The following SIPA1L2 variants were observed in gnomAD, a reference collection of about 807,000 sequenced individuals.
The protein encoded by SIPA1L2 is signal induced proliferation associated 1 like 2, also known as signal-induced proliferation-associated 1-like protein 2.
Under a neutral mutation model 163.9 loss-of-function variants are expected in SIPA1L2, and 56 were observed. The ratio of observed to expected loss-of-function variants is 0.34; its 90% confidence interval spans 0.28 to 0.43. SIPA1L2 has a LOEUF of 0.43. Ranked by LOEUF, SIPA1L2 falls within the 20% of genes least tolerant of loss-of-function variation. The probability of loss-of-function intolerance (pLI) is 1.00; values close to 1 mark genes in which losing one functional copy is unlikely to be tolerated. For synonymous variants in SIPA1L2, 877 were observed against 865.7 expected, an observed-to-expected ratio of 1.01 and a Z score of -0.23; for missense variants, 1,974 against 2,193.5, an observed-to-expected ratio of 0.90 and a Z score of 2.00.
intron 8 of SIPA1L2, among the ~76,000 whole-genome samples, chr1:232,466,722 C>T (rs144982394): frequency 1.6e-3 from 241 of 152,068 alleles, no homozygotes; most frequent in African/African-American, 5.5e-3. Context: ...ACCTCGGAGG[C>T]GGAGCTTGCA....
chr1:232,415,333 C>T (rs990042210), intron 19 of SIPA1L2, among the ~76,000 whole-genome samples, 161 bp downstream of exon 19: 1 of 152,128 alleles, frequency 6.6e-6, no homozygotes, highest in Non-Finnish European at 1.5e-5. Context: ...TCCTCACAGC[C>T]CAAGCCAGCC....
chr1:232,462,344 A>C, intron 9 of SIPA1L2: 1 of 1,536,174 alleles, frequency 6.5e-7, no homozygotes, highest in South Asian at 1.2e-5. Context: ...GTTTCAGTTT[A>C]ATGAACACTC....
chr1:232,461,293 G>T, intron 9 of SIPA1L2, 132 bp from the exon 10 acceptor site: 3 of 1,130,336 alleles, frequency 2.7e-6, no homozygotes, highest in Non-Finnish European at 3.8e-6. Flanking sequence ...GTCTCTCTCT[G>T]CCTTTTCCTC....
chr1:232,541,935 A>ATCTCTCTCTC (rs59407464), intron 2 of SIPA1L2, among the ~76,000 whole-genome samples: 28,992 of 148,088 alleles, frequency 0.2, 3,020 homozygotes, highest in East Asian at 0.31. Context: ...TGAGCCTTAA[A>ATCTCTCTCTC]TCTCTCTCTC....
intron 2 of SIPA1L2, among the ~76,000 whole-genome samples, chr1:232,558,573 G>A (rs1332052111): frequency 2.6e-5 from 4 of 152,112 alleles, no homozygotes; most frequent in South Asian, 2.1e-4. Context: ...CACATACTCC[G>A]CTACTGAGTT....
intron 1 of SIPA1L2, among the ~76,000 whole-genome samples, chr1:232,596,741 A>G (rs147488543): frequency 1.4e-4 from 21 of 152,356 alleles, no homozygotes; most frequent in Non-Finnish European, 2.2e-4. Context: ...ACTACAGGGA[A>G]GAAGAGTTTT....
At chr1:232,524,157 G>A (rs1361915142) in intron 2 of SIPA1L2, among the ~76,000 whole-genome samples, 1 of 152,214 alleles carries the variant, frequency 6.6e-6, no homozygotes, top group Admixed American at 6.5e-5. Flanking sequence ...AACGTATTCA[G>A]TTCTACCAGG....
In SIPA1L2 at chr1:232,428,500, C is replaced by T. The variant is rs752844011; in HGVS notation, c.4321G>A (p.Val1441Ile). The T allele has an allele frequency of 3.7e-6, 6 of 1,601,120 alleles. No homozygotes were observed. The African/African-American group carries it at 6.7e-5, about 18-fold the overall frequency. The change falls in exon 17 of 23, where the codon GTT becomes ATT. Residue 1441 changes from valine (V) to isoleucine (I), a missense_variant. Around this residue, in one of 3 missense-constraint regions of SIPA1L2, gnomAD observed 1,079 missense variants for 1,150.7 expected, o/e 0.94. Transcript: ENST00000674635. ...TQHQTVVGDAVAETQHVLSKE... is the reference protein window; with the variant it reads ...TQHQTVVGDAIAETQHVLSKE... Reference sequence around the variant, plus strand: ...GACAGAACATGTTGAGTCTCTGCAACAGCATCTCCCACCACTGTCTGATGC... The same window carrying T: ...GACAGAACATGTTGAGTCTCTGCAATAGCATCTCCCACCACTGTCTGATGC...
rs1239620075 is a variant in SIPA1L2 at position 232,513,897 on chromosome 1, G to T, written c.1443C>A (p.Asp481Glu). ...ATTTGCGGTAATAATAGGCCCCAAG[G>T]TCAATGTGTTCTATGATGTAGCGCT... ...KVKRYIIEHIDLGAYYYRKFF... is the reference protein window; with the variant it reads ...KVKRYIIEHIELGAYYYRKFF... Residue 481 changes from aspartate (D) to glutamate (E), a missense_variant, in exon 3 of 23, where the codon GAC becomes GAA. Coordinates refer to ENST00000674635, the MANE Select transcript of SIPA1L2 (RefSeq NM_020808.5). 1 of 1,605,142 alleles carries T rather than the reference G, an allele frequency of 6.2e-7. No individual in the cohort carries two copies. Among genetic ancestry groups the T allele is most frequent in the Admixed American group, 1.7e-5 (1 of 58,016 alleles).
intron 14 of SIPA1L2, among the ~76,000 whole-genome samples, chr1:232,440,881 T>A (rs1479165620): frequency 6.6e-6 from 1 of 152,204 alleles, no homozygotes; most frequent in Non-Finnish European, 1.5e-5. Flanking sequence ...AATGGGCAGC[T>A]GCGGCCGTGA....
intron 19 of SIPA1L2, among the ~76,000 whole-genome samples, chr1:232,410,613 T>G (rs1660894767): frequency 6.6e-6 from 1 of 152,094 alleles, no homozygotes; most frequent in Admixed American, 6.6e-5. Context: ...AACTGTAAAC[T>G]TATTATTTTC....
chr1:232,582,176 AT>A (rs150817092), intron 1 of SIPA1L2, among the ~76,000 whole-genome samples: 7,519 of 151,544 alleles, frequency 0.05, 829 homozygotes, highest in East Asian at 0.48. Flanking sequence ...TTTTTCCATA[AT>A]TTTTTTTTCA....
At chr1:232,455,126 G>A (rs1291716652) in intron 10 of SIPA1L2, among the ~76,000 whole-genome samples, 1 of 152,212 alleles carries the variant, frequency 6.6e-6, no homozygotes, top group Admixed American at 6.5e-5. Flanking sequence ...TTATATTGGA[G>A]AAACTGGCCA....
intron 2 of SIPA1L2, among the ~76,000 whole-genome samples, chr1:232,572,694 CAT>C (rs61685621): frequency 0.13 from 12,887 of 100,650 alleles, 828 homozygotes; most frequent in Middle Eastern, 0.2. Flanking sequence ...CATATACATA[CAT>C]ATATATATAT....
At position 232,428,577 on chromosome 1, in the gene SIPA1L2, A is replaced by G. The variant is rs572814979; in HGVS notation, c.4257-13T>C. On this transcript the variant is annotated splice_polypyrimidine_tract_variant and intron_variant, in intron 16 of 22. Transcript: ENST00000674635. ...CTCACTATACATCCTGTTGAAAACA[A>G]TCAGAATGGAAATTAAGCCTATTTG... 8.0e-6 allele frequency: 12 copies of G among 1,503,280 alleles called. No homozygotes were observed. Among genetic ancestry groups the G allele is most frequent in the African/African-American group, 2.9e-5 (2 of 70,130 alleles). The allele number at this position is 1,503,280 out of a possible 1,614,324, so 93.1% of individuals were successfully genotyped here.
chr1:232,513,457 AAC>A lies in SIPA1L2; in HGVS notation c.1483+398_1483+399del, dbSNP rs371255486. 1.6e-4 allele frequency among the ~76,000 whole-genome samples: 24 copies of A among 152,316 alleles called. No individual in the cohort carries two copies. In the East Asian group the frequency reaches 4.2e-3, roughly 27 times the overall value. Reference sequence around the variant, plus strand: ...ACAGAAAGATTAGAGAGGTGAGGGAAACACAGAATTTTCCACTGTAAGCAGCA... The same window carrying A: ...ACAGAAAGATTAGAGAGGTGAGGGAAACAGAATTTTCCACTGTAAGCAGCA... On this transcript the variant is annotated intron_variant, in intron 3 of 22. Coordinates refer to ENST00000674635, the MANE Select transcript of SIPA1L2 (RefSeq NM_020808.5).
At chr1:232,463,186 T>C (rs1664331068) in intron 9 of SIPA1L2, among the ~76,000 whole-genome samples, 3 of 152,244 alleles carry the variant, frequency 2.0e-5, no homozygotes, top group Admixed American at 6.5e-5. Context: ...ATCCGTGAAG[T>C]GAGCCCTGCC....
chr1:232,579,042 A>C (rs1293438730), intron 1 of SIPA1L2, among the ~76,000 whole-genome samples: 2 of 152,298 alleles, frequency 1.3e-5, no homozygotes, highest in South Asian at 2.1e-4. Flanking sequence ...TCCCTGGTCT[A>C]TCACTGCGAG....
chr1:232,496,843 C>A (rs977827052), intron 3 of SIPA1L2, among the ~76,000 whole-genome samples: 1 of 152,086 alleles, frequency 6.6e-6, no homozygotes, highest in African/African-American at 2.4e-5. Flanking sequence ...TAACAAAGCA[C>A]ACAAAAATAC....
Sources: allele counts gnomAD v4.1 joint callset (sites outside exome capture counted in the v4.1 genomes callset), GRCh38; gene constraint gnomAD v4.1.1; regional missense constraint gnomAD v4.1.1; transcripts MANE v1.5; gene names NCBI Gene and HGNC (gene_info 2026-07-23, HGNC 2026-07-21).